Variants in ABL2 observed in about 807,000 individuals in gnomAD.
ABL2 encodes ABL proto-oncogene 2, non-receptor tyrosine kinase, also known as tyrosine-protein kinase ABL2.
In ABL2, 49 loss-of-function variants were observed where a neutral mutation model predicts 107.7. The ratio of observed to expected loss-of-function variants is 0.45; its 90% CI spans 0.36 to 0.58. The LOEUF is 0.58. Among genes scored for constraint, ABL2 ranks in the 20% least tolerant of loss-of-function variants. The pLI is 0.00. For missense variants in ABL2, 1,245 were observed against 1,457.0 expected, an observed-to-expected ratio of 0.85 and a Z score of 2.37; for synonymous variants, 549 against 548.6, an observed-to-expected ratio of 1.00 and a Z score of -0.01.
chr1:179,227,454 C>G (rs1387223495), intron 1 of ABL2, among the ~76,000 whole-genome samples: 2 of 152,206 alleles, frequency 1.3e-5, no homozygotes, highest in East Asian at 3.8e-4. Context: ...TGTTCTCCCT[C>G]TCCATAGATC....
chr1:179,179,716 G>A (rs1375255270), intron 1 of ABL2, among the ~76,000 whole-genome samples: 3 of 152,096 alleles, frequency 2.0e-5, no homozygotes. Context: ...AGTCTTAAAG[G>A]AAACTCAAGA....
chr1:179,120,077 G>T, intron 6 of ABL2, 113 bp downstream of exon 6: 1 of 635,612 alleles, frequency 1.6e-6, no homozygotes, highest in Non-Finnish European at 2.7e-6. Context: ...GGACAACAGA[G>T]CGAGACCCTG....
intron 1 of ABL2, among the ~76,000 whole-genome samples, chr1:179,170,534 A>C (rs1659658143): frequency 6.6e-6 from 1 of 151,928 alleles, no homozygotes; most frequent in Non-Finnish European, 1.5e-5. Flanking sequence ...CCCCTGCCTC[A>C]GCTTCCCGAG....
At chr1:179,201,963 A>G (rs1661696753) in intron 1 of ABL2, 1 of 1,134,568 alleles carries the variant, frequency 8.8e-7, no homozygotes, top group South Asian at 3.2e-5. Context: ...CCAGGGCTCA[A>G]TCTCAGGGGT....
At chr1:179,205,139 G>A (rs1661891646) in intron 1 of ABL2, among the ~76,000 whole-genome samples, 1 of 150,990 alleles carries the variant, frequency 6.6e-6, no homozygotes, top group Admixed American at 6.7e-5. Flanking sequence ...AGATTCTCCT[G>A]CCTCAGCCTC....
chr1:179,215,648 T>C (rs545268836), intron 1 of ABL2, among the ~76,000 whole-genome samples: 2 of 151,532 alleles, frequency 1.3e-5, no homozygotes, highest in East Asian at 1.9e-4. Context: ...TGAGCTGAGA[T>C]CATGCCACTG....
At chr1:179,192,384 G>GT (rs1312833029) in intron 1 of ABL2, among the ~76,000 whole-genome samples, 1 of 152,148 alleles carries the variant, frequency 6.6e-6, no homozygotes, top group Non-Finnish European at 1.5e-5. Flanking sequence ...CACCAACACT[G>GT]TTATCTCCAT....
At position 179,108,641 on chromosome 1, in the gene ABL2, G is replaced by A. The variant is rs758571122; in HGVS notation, c.2626C>T (p.Pro876Ser). 1 of 1,614,096 alleles carries A rather than the reference G, an allele frequency of 6.2e-7. No individual in the cohort carries two copies. Among genetic ancestry groups the A allele is most frequent in the African/African-American group, 1.3e-5 (1 of 74,934 alleles). ...SGDLAITEKD[P>S]PGVGVAGVAA... ...ACTCCAGCCACTCCCACCCCTGGAGGGTCCTTCTCTGTAATGGCTAGATCC... is the reference window on the plus strand; with the variant it reads ...ACTCCAGCCACTCCCACCCCTGGAGAGTCCTTCTCTGTAATGGCTAGATCC... The change falls in exon 12 of 12, where the codon CCT becomes TCT. Residue 876 changes from proline to serine, a missense_variant. Transcript: ENST00000502732.
intron 1 of ABL2, chr1:179,221,221 A>G: frequency 5.1e-6 from 1 of 194,520 alleles, no homozygotes; most frequent in Non-Finnish European, 1.1e-5. Context: ...AACTGTTAGC[A>G]CTGTCCTCGG....
At chr1:179,224,096 A>T (rs1258097777) in intron 1 of ABL2, among the ~76,000 whole-genome samples, 1 of 132,128 alleles carries the variant, frequency 7.6e-6, no homozygotes, top group Non-Finnish European at 1.6e-5. Context: ...TCGCCAATGC[A>T]CTCCAGCCTG....
intron 1 of ABL2, among the ~76,000 whole-genome samples, chr1:179,226,528 C>T (rs1406546155): frequency 1.3e-5 from 2 of 151,872 alleles, no homozygotes; most frequent in African/African-American, 4.8e-5. Context: ...AGGCTGGTCT[C>T]GAACTCCTGA....
intron 1 of ABL2, among the ~76,000 whole-genome samples, chr1:179,182,457 C>A (rs1423119097): frequency 6.6e-6 from 1 of 151,648 alleles, no homozygotes; most frequent in Non-Finnish European, 1.5e-5. Context: ...TAATAGCTTC[C>A]TTTCTTACTA....
intron 5 of ABL2, among the ~76,000 whole-genome samples, chr1:179,120,647 G>A (rs1655103885): frequency 6.6e-6 from 1 of 152,066 alleles, no homozygotes. Flanking sequence ...ATGCTCTCCT[G>A]ACCTCAGGTG....
chr1:179,193,606 A>G (rs1303636093), intron 1 of ABL2, among the ~76,000 whole-genome samples: 2 of 152,070 alleles, frequency 1.3e-5, no homozygotes, highest in African/African-American at 4.8e-5. Context: ...GGGTTTCACC[A>G]TGTTCACCAA....
intron 1 of ABL2, among the ~76,000 whole-genome samples, chr1:179,185,328 A>G (rs1048826153): frequency 1.1e-4 from 17 of 152,302 alleles, no homozygotes; most frequent in African/African-American, 4.1e-4. Flanking sequence ...TAATACTTTT[A>G]AAATAAATTC....
Position 179,145,065 on chromosome 1 carries a change from T to A in ABL2, c.158-11691A>T, listed in dbSNP as rs187610218. On this transcript the variant is annotated intron_variant, in intron 1 of 11. Transcript: ENST00000502732. ...GTCTATACATATAATGAAGTATTAT[T>A]TAGCCATAAAAAGAATGAAATGTTG... Among the ~76,000 whole-genome samples the A allele has an allele frequency of 1.2e-3, 186 of 152,304 alleles. 1 individual carries two copies. The highest frequency in any genetic ancestry group is 1.5e-3 in the Admixed American group (23 of 15,306).
At chr1:179,124,683 G>A (rs1655577004) in intron 4 of ABL2, among the ~76,000 whole-genome samples, 1 of 151,868 alleles carries the variant, frequency 6.6e-6, no homozygotes, top group South Asian at 2.1e-4. Flanking sequence ...TTGTGGGGCT[G>A]ACATCCTGAC....
intron 1 of ABL2, among the ~76,000 whole-genome samples, chr1:179,213,634 G>C (rs1036582385): frequency 6.6e-6 from 1 of 152,154 alleles, no homozygotes; most frequent in African/African-American, 2.4e-5. Flanking sequence ...GACATTTCAA[G>C]TGCTCAAGAG....
intron 1 of ABL2, among the ~76,000 whole-genome samples, chr1:179,149,557 C>T (rs1571202836): frequency 6.6e-6 from 1 of 152,326 alleles, no homozygotes; most frequent in Non-Finnish European, 1.5e-5. Flanking sequence ...GAATGTCTAG[C>T]TTCAAAGGAC....
Sources: gnomAD v4.1 joint callset for allele counts (sites outside exome capture counted in the v4.1 genomes callset) on GRCh38, gnomAD v4.1.1 for gene constraint, MANE v1.5 for transcripts, NCBI Gene and HGNC (gene_info 2026-07-23, HGNC 2026-07-21) for gene names.